BCL2L1: variants seen among roughly 807,000 people sequenced by gnomAD.
The protein encoded by BCL2L1 is BCL2 like 1, also known as bcl-2-like protein 1.
BCL2L1 carries 1 observed loss-of-function variant against 18.7 expected under a neutral mutation model. The observed-to-expected ratio is 0.05, with a 90% CI of 0.02 to 0.25. BCL2L1 has a LOEUF of 0.25. Ranked by LOEUF, BCL2L1 falls within the 10% of genes least tolerant of loss-of-function variation. The pLI is 1.00. For synonymous variants in BCL2L1, 103 were observed against 122.7 expected (o/e 0.84, Z 1.06); for missense variants, 207 against 304.9 (o/e 0.68, Z 2.39).
At chr20:31,712,027 T>C (rs775543698) in intron 2 of BCL2L1, among the ~76,000 whole-genome samples, 1 of 152,196 alleles carries the variant, frequency 6.6e-6, no homozygotes, top group Non-Finnish European at 1.5e-5. Context: ...TTTTAAGGAC[T>C]GGAGATAAAA....
intron 2 of BCL2L1, among the ~76,000 whole-genome samples, chr20:31,683,050 C>A (rs2122550421): frequency 6.6e-6 from 1 of 152,302 alleles, no homozygotes; most frequent in South Asian, 2.1e-4. Flanking sequence ...TCCATGGTTC[C>A]TTCACCACAT....
rs146923280 is a variant in BCL2L1 at position 31,704,635 on chromosome 20, T to C, written c.564+17020A>G. On this transcript the variant is annotated intron_variant, in intron 2 of 2. Transcript: ENST00000307677. ...GCAGGAGATGGAGGAAGTGACTCCC[T>C]CAGGGAGGGGTGGGAATCCCATCTT... Among the ~76,000 whole-genome samples the C allele has an allele frequency of 1.5e-4, 23 of 152,246 alleles. No homozygotes were observed. The Middle Eastern group carries it at 0.014, about 90-fold the overall frequency.
In BCL2L1 at chr20:31,684,796, G is replaced by A. The variant is rs112505976; in HGVS notation, c.565-18710C>T. On this transcript the variant is annotated intron_variant, in intron 2 of 2. Coordinates refer to ENST00000307677, the MANE Select transcript of BCL2L1 (RefSeq NM_138578.3). ...CTACAGGTGCAGGGGTGAAGCTAGA[G>A]ATGTTGTAACTGCCAAGCCAGCAAT... 2.0e-3 allele frequency among the ~76,000 whole-genome samples: 298 copies of A among 152,316 alleles called. 3 individuals are homozygous for A. Among genetic ancestry groups the A allele is most frequent in the Middle Eastern group, 0.014 (4 of 294 alleles).
Position 31,665,886 on chromosome 20 carries a change from G to A in BCL2L1, c.*63C>T. The A allele has an allele frequency of 1.3e-6, 2 of 1,585,188 alleles. No individual in the cohort carries two copies. Among genetic ancestry groups the A allele is most frequent in the East Asian group, 2.2e-5 (1 of 44,566 alleles). On this transcript the variant is annotated 3_prime_UTR_variant, in exon 3 of 3. Coordinates refer to ENST00000307677, the MANE Select transcript of BCL2L1 (RefSeq NM_138578.3). Reference sequence around the variant, plus strand: ...GGTTCTCCTGGTGGCAATGGCGGCTGGACGGAGGATGTGGTGGAGCAGAGA... The same window carrying A: ...GGTTCTCCTGGTGGCAATGGCGGCTAGACGGAGGATGTGGTGGAGCAGAGA...
intron 2 of BCL2L1, among the ~76,000 whole-genome samples, chr20:31,679,578 A>C (rs764636580): frequency 1.1e-4 from 17 of 152,196 alleles, no homozygotes; most frequent in Non-Finnish European, 1.6e-4. Flanking sequence ...AGCTGTACTT[A>C]CTTCACAGGC....
chr20:31,676,556 G>A (rs909796419), intron 2 of BCL2L1, among the ~76,000 whole-genome samples: 3 of 152,088 alleles, frequency 2.0e-5, no homozygotes, highest in South Asian at 2.1e-4. Context: ...CTATTCTTTC[G>A]TAAGTAGATG....
intron 2 of BCL2L1, among the ~76,000 whole-genome samples, chr20:31,679,680 C>A (rs1017866906): frequency 6.6e-6 from 1 of 152,194 alleles, no homozygotes; most frequent in Non-Finnish European, 1.5e-5. Context: ...TTAATTGAGA[C>A]GAAGTCTCAC....
intron 2 of BCL2L1, among the ~76,000 whole-genome samples, chr20:31,708,280 A>C (rs1056286941): frequency 6.6e-6 from 1 of 152,202 alleles, no homozygotes; most frequent in Non-Finnish European, 1.5e-5. Flanking sequence ...TGGGGGGCAC[A>C]CACAAGGGAA....
intron 2 of BCL2L1, among the ~76,000 whole-genome samples, chr20:31,670,672 A>G (rs2060653651): frequency 6.6e-6 from 1 of 152,128 alleles, no homozygotes; most frequent in Non-Finnish European, 1.5e-5. Flanking sequence ...TTTCCATTTC[A>G]GCTTCTTTTC....
At chr20:31,676,634 G>T (rs1384257046) in intron 2 of BCL2L1, among the ~76,000 whole-genome samples, 2 of 152,158 alleles carry the variant, frequency 1.3e-5, no homozygotes, top group Non-Finnish European at 2.9e-5. Context: ...TTGGAACAGA[G>T]TCGGAGACTC....
rs575637106 is a variant in BCL2L1, at chr20:31,686,699, T to C, written c.565-20613A>G. The stretch of plus-strand genomic sequence containing the variant: ...AGCATGATACCCACAGTGTTCTCCC[T>C]GAAAGGCCATGGAGCGGAGGGAGTA... On this transcript the variant is annotated intron_variant, in intron 2 of 2. Transcript: ENST00000307677. Among the ~76,000 whole-genome samples, 13 of 152,194 alleles carry C rather than the reference T, an allele frequency of 8.5e-5. No individual in the cohort carries two copies. In the South Asian group the frequency reaches 2.7e-3, roughly 32 times the overall value.
intron 2 of BCL2L1, among the ~76,000 whole-genome samples, chr20:31,702,170 A>C (rs1359869054): frequency 6.6e-6 from 1 of 152,256 alleles, no homozygotes; most frequent in African/African-American, 2.4e-5. Flanking sequence ...CTAGGGGCAG[A>C]ACATTTCAGG....
chr20:31,708,936 C>T (rs1463319392), intron 2 of BCL2L1, among the ~76,000 whole-genome samples: 1 of 152,230 alleles, frequency 6.6e-6, no homozygotes, highest in Non-Finnish European at 1.5e-5. Flanking sequence ...TGAATCTGCA[C>T]CTGGCCCTGA....
At chr20:31,719,290 G>A (rs1448798261) in intron 2 of BCL2L1, among the ~76,000 whole-genome samples, 2 of 152,144 alleles carry the variant, frequency 1.3e-5, no homozygotes, top group Non-Finnish European at 2.9e-5. Context: ...CCCCTTTCCT[G>A]TAGGGATGCT....
At chr20:31,676,146 A>G (rs535221102) in intron 2 of BCL2L1, among the ~76,000 whole-genome samples, 1 of 152,278 alleles carries the variant, frequency 6.6e-6, no homozygotes, top group East Asian at 1.9e-4. Context: ...AATTCAGAAA[A>G]GCATTTACTG....
chr20:31,693,841 T>C (rs1364240840), intron 2 of BCL2L1, among the ~76,000 whole-genome samples: 1 of 152,184 alleles, frequency 6.6e-6, no homozygotes, highest in Admixed American at 6.5e-5. Flanking sequence ...GGCAAACATA[T>C]GTTTGATTAT....
At chr20:31,668,134 C>T (rs2060613972) in intron 2 of BCL2L1, among the ~76,000 whole-genome samples, 1 of 152,086 alleles carries the variant, frequency 6.6e-6, no homozygotes, top group African/African-American at 2.4e-5. Flanking sequence ...CCGCAGGAGT[C>T]TGCTGTTCCT....
chr20:31,716,580 G>A (rs2061541170), intron 2 of BCL2L1: 1 of 152,136 alleles, frequency 6.6e-6, no homozygotes, highest in East Asian at 1.9e-4. Context: ...CTTGACAAGG[G>A]TCTGTTTCTT....
intron 2 of BCL2L1, among the ~76,000 whole-genome samples, chr20:31,699,820 T>A (rs1425452671): frequency 6.6e-6 from 1 of 152,184 alleles, no homozygotes; most frequent in Non-Finnish European, 1.5e-5. Flanking sequence ...GTGAGGGAAT[T>A]AAATGAGAAA....
Sources: gnomAD v4.1 joint callset for allele counts (sites outside exome capture counted in the v4.1 genomes callset) on GRCh38, gnomAD v4.1.1 for gene constraint, MANE v1.5 for transcripts, NCBI Gene and HGNC (gene_info 2026-07-23, HGNC 2026-07-21) for gene names.